ARHGAP15: variants seen among roughly 807,000 people sequenced by gnomAD.
ARHGAP15 encodes Rho GTPase activating protein 15.
A neutral mutation model predicts 63.7 loss-of-function variants in ARHGAP15; 51 were observed. That is an observed-to-expected ratio of 0.80 (90% CI 0.64 to 1.01). ARHGAP15 has a LOEUF of 1.01. Ranked by LOEUF, ARHGAP15 falls within the 50% of genes least tolerant of loss-of-function variation. ARHGAP15 has a pLI of 0.00. For synonymous variants in ARHGAP15, 191 were observed against 193.8 expected, an observed-to-expected ratio of 0.99 and a Z score of 0.12; for missense variants, 560 against 564.6, an observed-to-expected ratio of 0.99 and a Z score of 0.08.
At chr2:143,336,226 G>T (rs1684765858) in intron 6 of ARHGAP15, among the ~76,000 whole-genome samples, 1 of 152,050 alleles carries the variant, frequency 6.6e-6, no homozygotes, top group African/African-American at 2.4e-5. Flanking sequence ...CCAGCCTCCA[G>T]CTTGTAAATG....
chr2:143,139,096 T>G (rs1232075354), intron 1 of ARHGAP15, among the ~76,000 whole-genome samples: 1 of 152,100 alleles, frequency 6.6e-6, no homozygotes, highest in Non-Finnish European at 1.5e-5. Context: ...TTAGCCTTGG[T>G]GTCTCTGTCA....
chr2:143,278,603 G>T (rs185918924), intron 6 of ARHGAP15, among the ~76,000 whole-genome samples: 1 of 152,178 alleles, frequency 6.6e-6, no homozygotes, highest in East Asian at 1.9e-4. Flanking sequence ...TAGTCCAAAT[G>T]CAGGGTTTTT....
At chr2:143,174,075 C>G (rs1333331720) in intron 2 of ARHGAP15, among the ~76,000 whole-genome samples, 5 of 152,046 alleles carry the variant, frequency 3.3e-5, no homozygotes, top group Admixed American at 2.6e-4. Context: ...TCAAACAGTT[C>G]CCTCTCACCC....
chr2:143,387,853 G>T (rs982254480), intron 6 of ARHGAP15, among the ~76,000 whole-genome samples: 2 of 147,904 alleles, frequency 1.4e-5, no homozygotes, highest in Admixed American at 6.8e-5. Context: ...ACACACACAC[G>T]CATGGACGCA....
At chr2:143,617,992 G>A (rs1698510577) in intron 11 of ARHGAP15, among the ~76,000 whole-genome samples, 1 of 152,214 alleles carries the variant, frequency 6.6e-6, no homozygotes, top group Non-Finnish European at 1.5e-5. Flanking sequence ...AGTTTTCTCA[G>A]ATAATATCCT....
chr2:143,694,422 A>C (rs1482633978), intron 12 of ARHGAP15, among the ~76,000 whole-genome samples: 1 of 152,228 alleles, frequency 6.6e-6, no homozygotes, highest in African/African-American at 2.4e-5. Flanking sequence ...TAAATGTCAG[A>C]CCAGTGCAGG....
intron 7 of ARHGAP15, among the ~76,000 whole-genome samples, chr2:143,436,651 GATA>G (rs1159581139): frequency 6.6e-6 from 1 of 152,050 alleles, no homozygotes; most frequent in Non-Finnish European, 1.5e-5. Context: ...GGAAAATAAG[GATA>G]ATAATAATAC....
At chr2:143,167,585 A>T (rs1390901392) in intron 2 of ARHGAP15, among the ~76,000 whole-genome samples, 1 of 152,034 alleles carries the variant, frequency 6.6e-6, no homozygotes, top group Non-Finnish European at 1.5e-5. Context: ...CCTATCTCCC[A>T]TCTGACTGCT....
At chr2:143,627,835 G>T (rs944052776) in intron 12 of ARHGAP15, among the ~76,000 whole-genome samples, 1 of 151,694 alleles carries the variant, frequency 6.6e-6, no homozygotes, top group Non-Finnish European at 1.5e-5. Context: ...GTTTTTTTTC[G>T]ACTTTTATTT....
At chr2:143,431,392 A>C (rs1279724996) in intron 6 of ARHGAP15, among the ~76,000 whole-genome samples, 1 of 152,066 alleles carries the variant, frequency 6.6e-6, no homozygotes, top group Non-Finnish European at 1.5e-5. Flanking sequence ...ACTTTATGAT[A>C]GTGGAGGAAA....
intron 12 of ARHGAP15, among the ~76,000 whole-genome samples, chr2:143,624,901 G>GT (rs34440273): frequency 0.026 from 3,856 of 149,880 alleles, 167 homozygotes; most frequent in African/African-American, 0.088. Flanking sequence ...TTCCTTTTCT[G>GT]TTTTTTTTTT....
rs562150142 is a variant in ARHGAP15 at position 143,567,110 on chromosome 2, C to A, written c.1003+10625C>A. On this transcript the variant is annotated intron_variant, in intron 11 of 13. Transcript: ENST00000295095. ...CAGGATGGTCTCGATCTCCTGACCT[C>A]GTGATCTGCCCCCCTCGGCCTCCCA... 2.6e-3 allele frequency among the ~76,000 whole-genome samples: 397 copies of A among 152,208 alleles called. 1 individual carries two copies. The highest frequency in any genetic ancestry group is 4.7e-3 in the Non-Finnish European group (320 of 68,018).
At chr2:143,701,226 G>A (rs1684075345) in intron 12 of ARHGAP15, among the ~76,000 whole-genome samples, 1 of 152,100 alleles carries the variant, frequency 6.6e-6, no homozygotes, top group Non-Finnish European at 1.5e-5. Flanking sequence ...ATATTTTCCT[G>A]TAATTCCTTA....
chr2:143,285,841 A>C (rs909600609), intron 6 of ARHGAP15, among the ~76,000 whole-genome samples: 2 of 152,198 alleles, frequency 1.3e-5, no homozygotes, highest in Non-Finnish European at 2.9e-5. Context: ...CTCTGTCTTT[A>C]GTGTGTTTGA....
chr2:143,517,397 C>T (rs1350614263), intron 9 of ARHGAP15, among the ~76,000 whole-genome samples: 1 of 152,146 alleles, frequency 6.6e-6, no homozygotes, highest in Non-Finnish European at 1.5e-5. Flanking sequence ...CCCCTTATAA[C>T]AATATATATC....
chr2:143,561,066 T>C (rs1695999689), intron 11 of ARHGAP15, among the ~76,000 whole-genome samples: 1 of 152,196 alleles, frequency 6.6e-6, no homozygotes, highest in Non-Finnish European at 1.5e-5. Flanking sequence ...TTTTCTTGCA[T>C]GGGGGGTACT....
chr2:143,463,528 G>T (rs777803795), intron 8 of ARHGAP15, among the ~76,000 whole-genome samples: 3 of 113,140 alleles, frequency 2.7e-5, no homozygotes, highest in African/African-American at 1.0e-4. Context: ...AATCAAGAGC[G>T]AAACTCCATC....
In ARHGAP15 at chr2:143,279,420, T is replaced by C. The variant is rs1449536278; in HGVS notation, c.474+28820T>C. Reference sequence around the variant, plus strand: ...TATATATGCTGGAATCTGGTTGCAATATTTGTAAAAACAAGCCATGACTGC... The same window carrying C: ...TATATATGCTGGAATCTGGTTGCAACATTTGTAAAAACAAGCCATGACTGC... On this transcript the variant is annotated intron_variant, in intron 6 of 13. Transcript: ENST00000295095. Among the ~76,000 whole-genome samples, 3 of 152,142 alleles carry C rather than the reference T, an allele frequency of 2.0e-5. No homozygotes were observed. In the East Asian group the frequency reaches 5.8e-4, roughly 29 times the overall value.
chr2:143,612,761 GC>G (rs1280738732), intron 11 of ARHGAP15, among the ~76,000 whole-genome samples: 3 of 152,194 alleles, frequency 2.0e-5, no homozygotes, highest in African/African-American at 7.2e-5. Context: ...GAGCCAGATT[GC>G]CTGGACTCCG....
Sources: allele counts gnomAD v4.1 joint callset (sites outside exome capture counted in the v4.1 genomes callset), GRCh38; gene constraint gnomAD v4.1.1; transcripts MANE v1.5; gene names NCBI Gene and HGNC (gene_info 2026-07-23, HGNC 2026-07-21).